Variants in SAMD8 observed in about 807,000 individuals in gnomAD.
SAMD8 encodes the protein sterile alpha motif domain containing 8, also known as sphingomyelin synthase-related protein 1.
In SAMD8, 20 loss-of-function variants were observed where a neutral mutation model predicts 42.0. The observed-to-expected ratio is 0.48, with a 90% CI of 0.34 to 0.69. The LOEUF (loss-of-function observed/expected upper bound fraction) is 0.69, where lower values mean the gene tolerates loss of function less well. SAMD8 is among the 30% of genes least tolerant of loss of function. SAMD8 has a pLI of 0.01. For missense variants in SAMD8, 328 were observed against 511.6 expected, an observed-to-expected ratio of 0.64 and a Z score of 3.46; for synonymous variants, 162 against 173.0, an observed-to-expected ratio of 0.94 and a Z score of 0.50.
intron 1 of SAMD8, among the ~76,000 whole-genome samples, chr10:75,139,486 A>G (rs1277060393): frequency 6.6e-6 from 1 of 152,240 alleles, no homozygotes. Context: ...TAGTCATACA[A>G]TGGAATGTTT....
intron 1 of SAMD8, among the ~76,000 whole-genome samples, chr10:75,137,846 A>G (rs1287660916): frequency 6.6e-6 from 1 of 152,220 alleles, no homozygotes; most frequent in Non-Finnish European, 1.5e-5. Flanking sequence ...CAGAACTATA[A>G]CACTTAAAAT....
At chr10:75,164,383 CTTCT>C in intron 2 of SAMD8, 1 of 328,542 alleles carries the variant, frequency 3.0e-6, no homozygotes, top group Non-Finnish European at 4.3e-6. Flanking sequence ...AGGGTTGCCA[CTTCT>C]TTTTTTTTTT....
intron 2 of SAMD8, among the ~76,000 whole-genome samples, chr10:75,157,621 G>A (rs141826795): frequency 1.0e-3 from 153 of 152,294 alleles, no homozygotes; most frequent in African/African-American, 3.5e-3. Flanking sequence ...TATAAAATAA[G>A]CCATCTAGGA....
upstream of SAMD8, chr10:75,107,934 G>A (rs1003619319): frequency 1.3e-6 from 2 of 1,530,118 alleles, no homozygotes; most frequent in African/African-American, 2.7e-5. Context: ...GAGAGGAAAT[G>A]AGGCATCCTC....
chr10:75,155,842 T>C, intron 2 of SAMD8, among the ~76,000 whole-genome samples: 1 of 152,206 alleles, frequency 6.6e-6, no homozygotes, highest in Admixed American at 6.6e-5. Context: ...ACAATTTCTG[T>C]GAGCTGATAC....
In SAMD8 at chr10:75,177,880, A is replaced by C. The variant is rs1370027195; in HGVS notation, c.*1188A>C. 1 of 152,224 alleles carries C rather than the reference A, an allele frequency of 6.6e-6. No homozygotes were observed. Among genetic ancestry groups the C allele is most frequent in the Non-Finnish European group, 1.5e-5 (1 of 68,028 alleles). 9.4% of individuals were successfully genotyped at this position (152,224 alleles called of 1,614,324 possible). ...TTTAAGTAATTTCACATCTATGATA[A>C]CATTTGTTACTTTATTTTTAATGAT... On this transcript the variant is annotated 3_prime_UTR_variant, in exon 6 of 6. Transcript: ENST00000542569.
At chr10:75,126,157 A>G (rs932626231) in intron 1 of SAMD8, among the ~76,000 whole-genome samples, 3 of 151,972 alleles carry the variant, frequency 2.0e-5, no homozygotes, top group Admixed American at 6.6e-5. Context: ...ATTCATCTCT[A>G]TCCACATAAT....
At chr10:75,100,094 G>C (rs1360860243) in intron 1 of SAMD8, among the ~76,000 whole-genome samples, 1 of 152,106 alleles carries the variant, frequency 6.6e-6, no homozygotes, top group Non-Finnish European at 1.5e-5. Context: ...CAGGCCTGCG[G>C]AGCTTGGCAT....
upstream of SAMD8, chr10:75,111,395 TCTCGGGCCCATCTGGAGC>T (rs1848763859): frequency 1.4e-6 from 1 of 736,416 alleles, no homozygotes; most frequent in Non-Finnish European, 1.8e-6. Flanking sequence ...TCGGTTCTCC[TCTCGGGCCCATCTGGAGC>T]CTCGCGTCTT....
At chr10:75,151,851 T>C (rs780917508) in intron 2 of SAMD8, among the ~76,000 whole-genome samples, 57 of 152,268 alleles carry the variant, frequency 3.7e-4, no homozygotes, top group Non-Finnish European at 7.8e-4. Context: ...CAGGCCCAGC[T>C]ACTTTTTTTG....
chr10:75,172,357 A>AT (rs970818256), intron 4 of SAMD8, among the ~76,000 whole-genome samples: 1 of 151,964 alleles, frequency 6.6e-6, no homozygotes, highest in African/African-American at 2.4e-5. Flanking sequence ...TTTAAGACAG[A>AT]TTCTCGCTTT....
At chr10:75,109,818 T>TTTTTGTTTTTTTTTG (rs1554856166), upstream of SAMD8, among the ~76,000 whole-genome samples, 9 of 150,084 alleles carry the variant, frequency 6.0e-5, no homozygotes, top group African/African-American at 2.2e-4. Flanking sequence ...AAGGTGTTTT[T>TTTTTGTTTTTTTTTG]TTTTGTTTTG....
intron 1 of SAMD8, among the ~76,000 whole-genome samples, chr10:75,106,101 C>CTTTTTTT (rs767630456): frequency 2.4e-5 from 3 of 123,020 alleles, no homozygotes; most frequent in South Asian, 2.6e-4. Flanking sequence ...TCTTTCTTTT[C>CTTTTTTT]TTTTTTTTTT....
intron 1 of SAMD8, among the ~76,000 whole-genome samples, chr10:75,119,660 A>AG (rs763398819): frequency 1.4e-4 from 22 of 152,266 alleles, no homozygotes; most frequent in Non-Finnish European, 2.9e-4. Flanking sequence ...TGAAACTACA[A>AG]GAAAAATCCA....
At chr10:75,114,114 TC>T (rs1848826334) in intron 1 of SAMD8, among the ~76,000 whole-genome samples, 1 of 152,132 alleles carries the variant, frequency 6.6e-6, no homozygotes, top group African/African-American at 2.4e-5. Context: ...AGCAGGCAGA[TC>T]ACTTGAGGTC....
chr10:75,157,289 AT>A (rs1351884785), intron 2 of SAMD8, among the ~76,000 whole-genome samples: 2 of 152,090 alleles, frequency 1.3e-5, no homozygotes, highest in African/African-American at 4.8e-5. Context: ...CATATGCTAT[AT>A]GATAGCATGT....
chr10:75,137,546 A>G (rs1012526580), intron 1 of SAMD8, among the ~76,000 whole-genome samples: 1 of 152,138 alleles, frequency 6.6e-6, no homozygotes, highest in Non-Finnish European at 1.5e-5. Context: ...TCTCAAAAAA[A>G]AAAAAAAGAA....
intron 1 of SAMD8, among the ~76,000 whole-genome samples, chr10:75,128,442 G>A (rs939147261): frequency 6.6e-6 from 1 of 151,904 alleles, no homozygotes; most frequent in African/African-American, 2.4e-5. Context: ...GAACTTCTTC[G>A]CTGAAGCAGT....
intron 3 of SAMD8, among the ~76,000 whole-genome samples, chr10:75,167,460 G>A (rs12098654): frequency 0.084 from 12,796 of 152,084 alleles, 738 homozygotes; most frequent in African/African-American, 0.16. Context: ...GGTCTCAAGC[G>A]ATCCTCCTTC....
Sources: gnomAD v4.1 joint callset for allele counts (sites outside exome capture counted in the v4.1 genomes callset) on GRCh38, gnomAD v4.1.1 for gene constraint, MANE v1.5 for transcripts, NCBI Gene and HGNC (gene_info 2026-07-23, HGNC 2026-07-21) for gene names.